CDA: variants seen among roughly 807,000 people sequenced by gnomAD.
CDA encodes the protein cytidine deaminase, also known as cytidine aminohydrolase.
Under a neutral mutation model 15.0 loss-of-function variants are expected in CDA, and 7 were observed. The ratio of observed to expected loss-of-function variants is 0.47; its 90% CI spans 0.26 to 0.87. The LOEUF is 0.87. Among genes scored for constraint, CDA ranks in the 40% least tolerant of loss-of-function variants. The pLI is 0.15. For missense variants in CDA, 159 were observed against 182.7 expected (o/e 0.87, Z 0.75); for synonymous variants, 58 against 73.0 (o/e 0.79, Z 1.05).
intron 1 of CDA, among the ~76,000 whole-genome samples, chr1:20,597,428 G>A (rs974169842): frequency 8.5e-5 from 13 of 152,172 alleles, no homozygotes; most frequent in Admixed American, 1.3e-4. Context: ...GCGACAGAGC[G>A]AGACTCCGTC....
chr1:20,613,404 C>T (rs961528699), intron 2 of CDA, among the ~76,000 whole-genome samples: 19 of 152,110 alleles, frequency 1.2e-4, no homozygotes, highest in African/African-American at 4.3e-4. Flanking sequence ...GGTGTTTTAC[C>T]ACGTTGGCCA....
intron 1 of CDA, among the ~76,000 whole-genome samples, chr1:20,590,322 C>T (rs2052537238): frequency 6.6e-6 from 1 of 152,158 alleles, no homozygotes. Context: ...GGGATTGGAA[C>T]CCAGACTTCC....
At chr1:20,606,335 CA>C (rs2052695070) in intron 2 of CDA, among the ~76,000 whole-genome samples, 1 of 151,648 alleles carries the variant, frequency 6.6e-6, no homozygotes. Flanking sequence ...ATTCCGTCTC[CA>C]AAACAAAAAA....
At chr1:20,604,101 C>T (rs1283692744) in intron 1 of CDA, among the ~76,000 whole-genome samples, 1 of 151,902 alleles carries the variant, frequency 6.6e-6, no homozygotes, top group Non-Finnish European at 1.5e-5. Context: ...GTTTGTTTTG[C>T]AACACAACTG....
At chr1:20,594,339 C>T (rs758691408) in intron 1 of CDA, among the ~76,000 whole-genome samples, 3 of 152,092 alleles carry the variant, frequency 2.0e-5, no homozygotes, top group Non-Finnish European at 4.4e-5. Context: ...TCATGATGCA[C>T]CTCGGGCTGG....
At chr1:20,596,889 T>C (rs2101178890) in intron 1 of CDA, among the ~76,000 whole-genome samples, 1 of 151,744 alleles carries the variant, frequency 6.6e-6, no homozygotes, top group East Asian at 2.0e-4. Flanking sequence ...GCCTCCCAAG[T>C]AGCTGAGATC....
At chr1:20,611,029 CAGA>C in intron 2 of CDA, among the ~76,000 whole-genome samples, 1 of 152,266 alleles carries the variant, frequency 6.6e-6, no homozygotes, top group East Asian at 1.9e-4. Flanking sequence ...CTCTTGAGCC[CAGA>C]AGTTCAAGAC....
At chr1:20,602,861 C>T (rs954926116) in intron 1 of CDA, among the ~76,000 whole-genome samples, 1 of 152,244 alleles carries the variant, frequency 6.6e-6, no homozygotes, top group African/African-American at 2.4e-5. Flanking sequence ...GGACATGGTT[C>T]TGAAGCCTGC....
intron 2 of CDA, among the ~76,000 whole-genome samples, chr1:20,612,120 C>T (rs961890232): frequency 1.3e-5 from 2 of 152,218 alleles, no homozygotes; most frequent in South Asian, 4.1e-4. Context: ...GCCTCAGCCT[C>T]CCAAAGTGCT....
intron 2 of CDA, among the ~76,000 whole-genome samples, chr1:20,606,357 C>A (rs2154532505): frequency 6.6e-6 from 1 of 151,882 alleles, no homozygotes; most frequent in African/African-American, 2.4e-5. Flanking sequence ...GCGGGAGGGA[C>A]CTAAAAATCA....
In CDA at chr1:20,605,057, GT is replaced by G; in HGVS notation, c.266+20del. On this transcript the variant is annotated intron_variant, in intron 2 of 3. Coordinates refer to ENST00000375071, the MANE Select transcript of CDA (RefSeq NM_001785.3). ...ATCGCCAGGTGAGTGGGAAAGCCAG[GT>G]TGCAACAATATTCATTCATCTCTTT... The G allele has an allele frequency of 6.9e-7, 1 of 1,439,898 alleles. No homozygotes were observed. The allele number at this position is 1,439,898 out of a possible 1,614,324, so 89.2% of individuals were successfully genotyped here. A position where few individuals can be genotyped will look rare whatever the true frequency, so the allele number is the denominator to read the frequency against.
At chr1:20,600,527 G>A (rs1329621369) in intron 1 of CDA, among the ~76,000 whole-genome samples, 1 of 152,100 alleles carries the variant, frequency 6.6e-6, no homozygotes, top group East Asian at 1.9e-4. Flanking sequence ...AGGCCGAGCT[G>A]GGCGGATCAC....
At chr1:20,612,942 CAAAA>C (rs35637551) in intron 2 of CDA, among the ~76,000 whole-genome samples, 6 of 84,996 alleles carry the variant, frequency 7.1e-5, no homozygotes, top group Non-Finnish European at 1.1e-4. Flanking sequence ...GACTCCATCT[CAAAA>C]AAAAAAAAAA....
chr1:20,611,589 C>T (rs2052751292), intron 2 of CDA, among the ~76,000 whole-genome samples: 1 of 152,246 alleles, frequency 6.6e-6, no homozygotes, highest in Non-Finnish European at 1.5e-5. Flanking sequence ...CCATGTTGGC[C>T]AGGATGGTCT....
rs545147091 is a variant in CDA at position 20,607,032 on chromosome 1, G to C, written c.266+1993G>C. On this transcript the variant is annotated intron_variant, in intron 2 of 3. Transcript: ENST00000375071. ...CCTGTTGGTCTTTAGGGACATCTGG[G>C]TGCATAGGTCACATTCTGTGAGGTA... Among the ~76,000 whole-genome samples, 11 of 152,308 alleles carry C rather than the reference G, an allele frequency of 7.2e-5. No individual in the cohort carries two copies. In the South Asian group the frequency reaches 2.3e-3, roughly 32 times the overall value.
At chr1:20,615,582 G>A (rs867486378) in intron 3 of CDA, among the ~76,000 whole-genome samples, 1 of 151,932 alleles carries the variant, frequency 6.6e-6, no homozygotes, top group East Asian at 1.9e-4. Context: ...TTATATGTAC[G>A]TTTGGGGAAA....
chr1:20,616,704 C>G (rs1462212102), intron 3 of CDA, among the ~76,000 whole-genome samples: 2 of 152,174 alleles, frequency 1.3e-5, no homozygotes, highest in African/African-American at 4.8e-5. Flanking sequence ...AGGGGGGAAA[C>G]TGAAACCAAA....
chr1:20,589,399 T>G (rs1242890945), intron 1 of CDA, 116 bp downstream of exon 1: 2 of 998,432 alleles, frequency 2.0e-6, no homozygotes, highest in Non-Finnish European at 3.0e-6. Context: ...GCTCTGTCCC[T>G]TCTTCCCCCA....
chr1:20,618,342 C>G (rs1288288505), intron 3 of CDA, 110 bp from the exon 4 acceptor site: 2 of 714,396 alleles, frequency 2.8e-6, no homozygotes, highest in African/African-American at 3.5e-5. Context: ...ATGAGAAAAT[C>G]AAGGTAAAGA....
Sources: gnomAD v4.1 joint callset for allele counts (sites outside exome capture counted in the v4.1 genomes callset) on GRCh38, gnomAD v4.1.1 for gene constraint, MANE v1.5 for transcripts, NCBI Gene and HGNC (gene_info 2026-07-23, HGNC 2026-07-21) for gene names.